ZRANB1: variants seen among roughly 807,000 people sequenced by gnomAD.
The protein encoded by ZRANB1 is ubiquitin thioesterase ZRANB1.
In ZRANB1, 16 loss-of-function variants were observed where a neutral mutation model predicts 80.5. That is an observed-to-expected ratio of 0.20 (90% confidence interval 0.13 to 0.30). The LOEUF is 0.30. Among genes scored for constraint, ZRANB1 ranks in the 10% least tolerant of loss-of-function variants. The probability of loss-of-function intolerance (pLI) is 1.00; values close to 1 mark genes in which losing one functional copy is unlikely to be tolerated. For synonymous variants in ZRANB1, 291 were observed against 293.1 expected (o/e 0.99, Z 0.07); for missense variants, 576 against 862.6 (o/e 0.67, Z 4.16).
At chr10:124,948,160 A>T (rs757468783) in intron 1 of ZRANB1, among the ~76,000 whole-genome samples, 3 of 152,108 alleles carry the variant, frequency 2.0e-5, no homozygotes, top group Non-Finnish European at 4.4e-5. Flanking sequence ...CTCAAGGTGA[A>T]GATGATGATG....
At chr10:124,950,506 CTAT>C (rs915706220) in intron 1 of ZRANB1, among the ~76,000 whole-genome samples, 1 of 152,150 alleles carries the variant, frequency 6.6e-6, no homozygotes, top group African/African-American at 2.4e-5. Flanking sequence ...TATATTTAAT[CTAT>C]TATTTTCCCT....
At chr10:124,949,182 C>CA (rs1032780297) in intron 1 of ZRANB1, among the ~76,000 whole-genome samples, 2 of 151,900 alleles carry the variant, frequency 1.3e-5, no homozygotes, top group African/African-American at 2.4e-5. Context: ...TTTGTTTTTT[C>CA]AAAAAAATCA....
chr10:124,955,632 A>G (rs1017106605), intron 1 of ZRANB1, among the ~76,000 whole-genome samples: 2 of 152,308 alleles, frequency 1.3e-5, no homozygotes, highest in East Asian at 1.9e-4. Flanking sequence ...GGTAGTTCAT[A>G]TAGGTAATAG....
chr10:124,918,857 TGGG>T, the ZRANB1 span, among the ~76,000 whole-genome samples: 1 of 152,244 alleles, frequency 6.6e-6, no homozygotes, highest in Non-Finnish European at 1.5e-5. Context: ...ATTGGGCTGT[TGGG>T]GGTTTACGAG....
chr10:124,925,757 G>A, the ZRANB1 span, among the ~76,000 whole-genome samples: 3 of 152,154 alleles, frequency 2.0e-5, no homozygotes, highest in Admixed American at 2.0e-4. Context: ...AGGTCCAACT[G>A]AGTTTTTTTG....
chr10:124,940,404 A>G (rs1951524415), upstream of ZRANB1: 6 of 813,840 alleles, frequency 7.4e-6, no homozygotes, highest in Non-Finnish European at 1.0e-5. Flanking sequence ...AGAACCACTT[A>G]TCACGTTTTG....
At chr10:124,944,295 AC>A (rs1185106342) in intron 1 of ZRANB1, among the ~76,000 whole-genome samples, 2 of 152,014 alleles carry the variant, frequency 1.3e-5, no homozygotes, top group Non-Finnish European at 2.9e-5. Context: ...CTAAGTTTAA[AC>A]TTTGTGTGGA....
the ZRANB1 span, among the ~76,000 whole-genome samples, chr10:124,920,203 G>A: frequency 6.6e-6 from 1 of 152,198 alleles, no homozygotes; most frequent in South Asian, 2.1e-4. Flanking sequence ...GGGATTACAG[G>A]CGTGAGCCAC....
Position 124,984,836 on chromosome 10 carries a change from G to C in ZRANB1, c.1971G>C (p.Glu657Asp), listed in dbSNP as rs927516299. 2 of 1,614,000 alleles carry C rather than the reference G, an allele frequency of 1.2e-6. No homozygotes were observed. The highest frequency in any genetic ancestry group is 1.7e-6 in the Non-Finnish European group (2 of 1,179,992). Reference sequence around the variant, plus strand: ...AGTGGCTGGACTGCTGTGTGACGGAGGGGGGAGTTCTGGTTGCCATGCAGA... The same window carrying C: ...AGTGGCTGGACTGCTGTGTGACGGACGGGGGAGTTCTGGTTGCCATGCAGA... Reference protein sequence around the residue: ...LREWLDCCVTEGGVLVAMQKS... With the variant: ...LREWLDCCVTDGGVLVAMQKS... Residue 657 changes from glutamate to aspartate, a missense_variant, in exon 9 of 9, where the codon GAG becomes GAC. Around this residue, in one of 3 missense-constraint regions of ZRANB1, gnomAD observed 152 missense variants for 221.9 expected, o/e 0.69. Coordinates refer to ENST00000359653, the MANE Select transcript of ZRANB1 (RefSeq NM_017580.3).
At chr10:124,954,249 G>T (rs1384977644) in intron 1 of ZRANB1, among the ~76,000 whole-genome samples, 1 of 138,670 alleles carries the variant, frequency 7.2e-6, no homozygotes, top group East Asian at 2.2e-4. Flanking sequence ...GCCTCCCAAA[G>T]CTCTGGGATT....
rs749120488 is a variant in ZRANB1 at position 124,972,108 on chromosome 10, A to G, written c.1146A>G (p.Thr382=). Residue 382 remains threonine, a synonymous_variant, in exon 3 of 9, where the codon ACA becomes ACG. Coordinates refer to ENST00000359653, the MANE Select transcript of ZRANB1 (RefSeq NM_017580.3). ...CYFLTDLVTF[T]LPADIEDLPP... The stretch of plus-strand genomic sequence containing the variant: ...TTCTGACTGACCTTGTAACATTTAC[A>G]TTGCCAGCAGGTAACTCCAAAATCT... 4 of 1,612,162 alleles carry G rather than the reference A, an allele frequency of 2.5e-6. No individual in the cohort carries two copies. The highest frequency in any genetic ancestry group is 3.4e-6 in the Non-Finnish European group (4 of 1,179,426).
chr10:124,925,687 A>C, the ZRANB1 span, among the ~76,000 whole-genome samples: 1 of 152,154 alleles, frequency 6.6e-6, no homozygotes, highest in African/African-American at 2.4e-5. Flanking sequence ...TCTTAGTTTT[A>C]GCTCTCAAAT....
chr10:124,923,967 T>C, the ZRANB1 span, among the ~76,000 whole-genome samples: 44 of 150,280 alleles, frequency 2.9e-4, no homozygotes, highest in East Asian at 6.9e-3. Flanking sequence ...TTGTTATTTT[T>C]ATTGTTCATA....
chr10:124,932,734 T>A, the ZRANB1 span, among the ~76,000 whole-genome samples: 1 of 152,094 alleles, frequency 6.6e-6, no homozygotes, highest in Non-Finnish European at 1.5e-5. Context: ...GGTGTATTTT[T>A]GTATTTTTAG....
chr10:124,931,295 C>A, the ZRANB1 span, among the ~76,000 whole-genome samples: 1 of 150,634 alleles, frequency 6.6e-6, no homozygotes, highest in Admixed American at 6.7e-5. Flanking sequence ...TGATCTTGAA[C>A]TCCTAGGCCT....
intron 5 of ZRANB1, 118 bp downstream of exon 5, chr10:124,974,516 GTTCATT>G: frequency 9.6e-7 from 1 of 1,047,036 alleles, no homozygotes; most frequent in East Asian, 2.5e-5. Context: ...AGGAAAAACA[GTTCATT>G]TTGGACATTA....
At chr10:124,928,595 T>G in the ZRANB1 span, among the ~76,000 whole-genome samples, 1 of 152,220 alleles carries the variant, frequency 6.6e-6, no homozygotes, top group African/African-American at 2.4e-5. Context: ...AAAGATTACA[T>G]AAAATACTGT....
chr10:124,974,465 G>T, intron 5 of ZRANB1, 67 bp downstream of exon 5: 1 of 1,518,440 alleles, frequency 6.6e-7, no homozygotes, highest in Non-Finnish European at 9.1e-7. Context: ...TTGTAGTGGT[G>T]GGATACTTTT....
the ZRANB1 span, among the ~76,000 whole-genome samples, chr10:124,927,938 G>T: frequency 1.3e-5 from 2 of 152,348 alleles, no homozygotes; most frequent in South Asian, 2.1e-4. Flanking sequence ...TTGGGAGGCT[G>T]AGGCATAAGA....
Sources: allele counts gnomAD v4.1 joint callset (sites outside exome capture counted in the v4.1 genomes callset), GRCh38; gene constraint gnomAD v4.1.1; regional missense constraint gnomAD v4.1.1; transcripts MANE v1.5; gene names NCBI Gene and HGNC (gene_info 2026-07-23, HGNC 2026-07-21).